NDC1: variants seen among roughly 807,000 people sequenced by gnomAD.
NDC1 encodes NDC1 transmembrane nucleoporin, also known as nucleoporin NDC1.
Under a neutral mutation model 89.8 loss-of-function variants are expected in NDC1, and 24 were observed. The observed-to-expected ratio is 0.27, with a 90% CI of 0.19 to 0.38. The LOEUF is 0.38. Among genes scored for constraint, NDC1 ranks in the 10% least tolerant of loss-of-function variants. The pLI, the probability that NDC1 is intolerant of heterozygous loss-of-function variation, is 1.00. For missense variants in NDC1, 728 were observed against 797.6 expected (o/e 0.91, Z 1.05); for synonymous variants, 296 against 284.8 (o/e 1.04, Z -0.39).
chr1:53,775,431 G>A (rs555564695), intron 16 of NDC1, among the ~76,000 whole-genome samples: 8 of 151,710 alleles, frequency 5.3e-5, no homozygotes, highest in East Asian at 1.9e-4. Flanking sequence ...TAATTTTTTC[G>A]TATTTTTAGT....
rs201291258 is a variant in NDC1 at position 53,800,814 on chromosome 1, C to T, written c.1101G>A (p.Arg367=). Residue 367 remains arginine (R), a synonymous_variant, in exon 11 of 18, where the codon AGG becomes AGA. Transcript: ENST00000371429. ...GHPHNWTAIS[R]ECLNLLNGMT... ...TACCATTTAAAAGATTCAAACACTC[C>T]CTTGAAATGGCTGTCCAATTGTGGG... 6 of 1,609,338 alleles carry T rather than the reference C, an allele frequency of 3.7e-6. No homozygotes were observed. The East Asian group carries it at 6.7e-5, about 18-fold the overall frequency.
In NDC1 at chr1:53,804,020, G is replaced by GA. The variant is rs376809652; in HGVS notation, c.985-12dup. On this transcript the variant is annotated splice_polypyrimidine_tract_variant and intron_variant, in intron 9 of 17. Coordinates refer to ENST00000371429, the MANE Select transcript of NDC1 (RefSeq NM_018087.5). ...CTGCAAGGCTAAATACTAACAGGGGGAAAAAACACATATTATTTAATTTTT... is the reference window on the plus strand; with the variant it reads ...CTGCAAGGCTAAATACTAACAGGGGGAAAAAAACACATATTATTTAATTTTT... The GA allele has an allele frequency of 1.2e-5, 19 of 1,592,438 alleles. No homozygotes were observed. The African/African-American group carries it at 1.9e-4, about 16-fold the overall frequency.
chr1:53,820,542 A>C (rs1346055412), intron 5 of NDC1, among the ~76,000 whole-genome samples: 6 of 146,124 alleles, frequency 4.1e-5, no homozygotes, highest in South Asian at 2.1e-4. Flanking sequence ...ATTAAAAAAA[A>C]AATGTCTTTT....
rs188450460 is a variant in NDC1, at chr1:53,799,957, G to A, written c.1222+736C>T. 4.2e-3 allele frequency among the ~76,000 whole-genome samples: 636 copies of A among 152,210 alleles called. 5 individuals are homozygous for A. Among genetic ancestry groups the A allele is most frequent in the African/African-American group, 0.014 (598 of 41,534 alleles). On this transcript the variant is annotated intron_variant, in intron 11 of 17. Coordinates refer to ENST00000371429, the MANE Select transcript of NDC1 (RefSeq NM_018087.5). ...TGCCCCACTTCCAAATCACCCAGTC[G>A]TCTCAGCTGCTCTTCTCTGGGACAG...
Position 53,825,702 on chromosome 1 carries a change from T to C in NDC1, c.594+96A>G, listed in dbSNP as rs553346582. The C allele has an allele frequency of 7.9e-5, 82 of 1,035,762 alleles. 1 individual carries two copies. The South Asian group carries it at 1.4e-3, about 18-fold the overall frequency. 64.2% of individuals were successfully genotyped at this position (1,035,762 alleles called of 1,614,324 possible). On this transcript the variant is annotated intron_variant, in intron 5 of 17. Coordinates refer to ENST00000371429, the MANE Select transcript of NDC1 (RefSeq NM_018087.5). ...AGTTCTAAGTGTTGGTTATCAAATC[T>C]TGAATGAATCAGATAAATCCAGTTA...
At chr1:53,769,127 T>C (rs908364587) in intron 17 of NDC1, among the ~76,000 whole-genome samples, 1 of 152,158 alleles carries the variant, frequency 6.6e-6, no homozygotes, top group African/African-American at 2.4e-5. Flanking sequence ...CAGTGAACTA[T>C]GCTATGATCT....
intron 5 of NDC1, among the ~76,000 whole-genome samples, chr1:53,824,952 T>C (rs1000999713): frequency 5.3e-5 from 8 of 152,040 alleles, no homozygotes; most frequent in Non-Finnish European, 1.2e-4. Context: ...CACAGGCAGA[T>C]AGCTTGAGCC....
At chr1:53,824,053 T>C (rs1160846416) in intron 5 of NDC1, among the ~76,000 whole-genome samples, 3 of 151,664 alleles carry the variant, frequency 2.0e-5, no homozygotes, top group African/African-American at 7.3e-5. Flanking sequence ...TTGGGCAACA[T>C]AGCTAGACCC....
At chr1:53,824,587 T>G (rs1648783734) in intron 5 of NDC1, among the ~76,000 whole-genome samples, 1 of 152,188 alleles carries the variant, frequency 6.6e-6, no homozygotes, top group South Asian at 2.1e-4. Flanking sequence ...AATAGAATTG[T>G]GCGAATGAGG....
chr1:53,821,064 G>A (rs1020186741), intron 5 of NDC1, among the ~76,000 whole-genome samples: 1 of 151,954 alleles, frequency 6.6e-6, no homozygotes, highest in African/African-American at 2.4e-5. Flanking sequence ...TTCAGAAGCT[G>A]AAGAACAGCA....
chr1:53,800,595 GA>G, intron 11 of NDC1, 97 bp downstream of exon 11: 1 of 1,353,808 alleles, frequency 7.4e-7, no homozygotes, highest in Non-Finnish European at 1.0e-6. Flanking sequence ...AAAGTGCGGG[GA>G]TAACAGGCGT....
At chr1:53,831,515 A>G (rs1420253464) in intron 3 of NDC1, among the ~76,000 whole-genome samples, 3 of 151,804 alleles carry the variant, frequency 2.0e-5, no homozygotes, top group Admixed American at 6.6e-5. Context: ...TCTTCTAAAA[A>G]TACAAAAATT....
intron 6 of NDC1, among the ~76,000 whole-genome samples, chr1:53,812,795 A>G (rs1648354177): frequency 6.6e-6 from 1 of 152,242 alleles, no homozygotes. Flanking sequence ...TTGCCTAGGC[A>G]CACTGTCATC....
chr1:53,789,940 C>G (rs547750549), intron 14 of NDC1, among the ~76,000 whole-genome samples: 1 of 151,864 alleles, frequency 6.6e-6, no homozygotes, highest in Admixed American at 6.6e-5. Flanking sequence ...CCCATCTCTA[C>G]TAAAATACAA....
At chr1:53,792,033 C>G (rs1425201797) in intron 14 of NDC1, among the ~76,000 whole-genome samples, 1 of 151,932 alleles carries the variant, frequency 6.6e-6, no homozygotes, top group Non-Finnish European at 1.5e-5. Context: ...AGCTCCGCCT[C>G]CCGGGTTCAT....
At chr1:53,812,966 C>A (rs969139748) in intron 6 of NDC1, among the ~76,000 whole-genome samples, 8 of 152,210 alleles carry the variant, frequency 5.3e-5, no homozygotes, top group African/African-American at 1.7e-4. Context: ...CCTCCTCCAA[C>A]AAAACAATTA....
intron 6 of NDC1, among the ~76,000 whole-genome samples, chr1:53,815,658 A>G (rs1648451753): frequency 6.6e-6 from 1 of 152,210 alleles, no homozygotes; most frequent in Non-Finnish European, 1.5e-5. Context: ...AAGGAAGTCA[A>G]ACTGTCACTG....
At chr1:53,778,571 AGT>A (rs1055772669) in intron 16 of NDC1, among the ~76,000 whole-genome samples, 8 of 151,938 alleles carry the variant, frequency 5.3e-5, no homozygotes, top group African/African-American at 1.9e-4. Flanking sequence ...TGGGCAACAA[AGT>A]GAGACCCTGT....
chr1:53,799,468 G>C (rs919269563), intron 11 of NDC1, among the ~76,000 whole-genome samples: 1 of 152,128 alleles, frequency 6.6e-6, no homozygotes, highest in African/African-American at 2.4e-5. Flanking sequence ...TAATCTATTT[G>C]TTTTGGGGCT....
Sources: allele counts gnomAD v4.1 joint callset (sites outside exome capture counted in the v4.1 genomes callset), GRCh38; gene constraint gnomAD v4.1.1; transcripts MANE v1.5; gene names NCBI Gene and HGNC (gene_info 2026-07-23, HGNC 2026-07-21).